The following NAV3 variants were observed in gnomAD, a reference collection of about 807,000 sequenced individuals.
NAV3 encodes pore membrane and/or filament interacting like protein 1.
In NAV3, 87 loss-of-function variants were observed where a neutral mutation model predicts 244.7. The observed-to-expected ratio is 0.36, with a 90% confidence interval of 0.30 to 0.42. The LOEUF is 0.42. NAV3 is among the 20% of genes least tolerant of loss of function. The pLI, the probability that NAV3 is intolerant of heterozygous loss-of-function variation, is 1.00. For missense variants in NAV3, 2,663 were observed against 2,893.3 expected (o/e 0.92, Z 1.83); for synonymous variants, 1,126 against 1,042.2 (o/e 1.08, Z -1.55).
At chr12:78,198,984 C>T in intron 36 of NAV3, 2 of 446,078 alleles carry the variant, frequency 4.5e-6, no homozygotes, top group Admixed American at 7.4e-5. Flanking sequence ...CACTATGTCC[C>T]TGGTTAAAGT....
intron 12 of NAV3, among the ~76,000 whole-genome samples, chr12:78,070,746 C>G (rs894576247): frequency 2.8e-5 from 4 of 142,780 alleles, no homozygotes; most frequent in Non-Finnish European, 6.0e-5. Context: ...TATTCCCCTT[C>G]CTGTGTCCAT....
chr12:77,679,761 A>G (rs1054760701), intron 2 of NAV3, among the ~76,000 whole-genome samples: 1 of 152,292 alleles, frequency 6.6e-6, no homozygotes, highest in Non-Finnish European at 1.5e-5. Context: ...AGAAAAGACA[A>G]GATGCATTTG....
At chr12:77,762,682 T>C (rs1467235063) in intron 2 of NAV3, among the ~76,000 whole-genome samples, 2 of 152,168 alleles carry the variant, frequency 1.3e-5, no homozygotes, top group Admixed American at 1.3e-4. Context: ...ATTTAGTCCA[T>C]TGAACTCCTT....
intron 2 of NAV3, among the ~76,000 whole-genome samples, chr12:77,685,793 T>C (rs1194473596): frequency 2.0e-5 from 3 of 152,200 alleles, no homozygotes; most frequent in Admixed American, 6.5e-5. Context: ...ATTAACAGCT[T>C]TCAATGTTGT....
At chr12:77,657,279 C>T (rs1873162878) in intron 2 of NAV3, among the ~76,000 whole-genome samples, 1 of 152,176 alleles carries the variant, frequency 6.6e-6, no homozygotes, top group Admixed American at 6.5e-5. Flanking sequence ...GGGGATATCA[C>T]CACCGATCCC....
intron 10 of NAV3, 129 bp from the exon 11 acceptor site, chr12:78,050,635 T>C: frequency 1.0e-6 from 1 of 955,830 alleles, no homozygotes; most frequent in East Asian, 2.5e-5. Flanking sequence ...GAATATAGAG[T>C]TTAGCTTTCG....
chr12:77,874,565 C>T (rs1288745507), intron 1 of NAV3, among the ~76,000 whole-genome samples: 2 of 151,906 alleles, frequency 1.3e-5, no homozygotes, highest in African/African-American at 4.8e-5. Context: ...AAAATCTAAA[C>T]TTACTTGCAT....
At chr12:77,631,451 G>T (rs1188559630) in intron 2 of NAV3, among the ~76,000 whole-genome samples, 2 of 150,236 alleles carry the variant, frequency 1.3e-5, no homozygotes, top group East Asian at 3.9e-4. Context: ...AGCAAAATTG[G>T]CATTATGTTA....
chr12:77,750,783 T>C (rs1366331872), intron 2 of NAV3, among the ~76,000 whole-genome samples: 3 of 152,150 alleles, frequency 2.0e-5, no homozygotes, highest in Non-Finnish European at 2.9e-5. Flanking sequence ...ATAAATACTT[T>C]CATATAGATT....
chr12:77,841,317 C>A (rs1197027578), intron 1 of NAV3, among the ~76,000 whole-genome samples: 1 of 152,190 alleles, frequency 6.6e-6, no homozygotes, highest in Non-Finnish European at 1.5e-5. Flanking sequence ...CTTCTTTTTG[C>A]TGTATTTTGA....
At chr12:77,744,854 A>G (rs1342062296) in intron 2 of NAV3, among the ~76,000 whole-genome samples, 1 of 151,952 alleles carries the variant, frequency 6.6e-6, no homozygotes, top group Non-Finnish European at 1.5e-5. Context: ...AATGTTTAGT[A>G]TATTTATGTG....
chr12:78,161,969 G>T (rs912371890), intron 23 of NAV3, among the ~76,000 whole-genome samples: 2 of 152,066 alleles, frequency 1.3e-5, no homozygotes, highest in African/African-American at 4.8e-5. Context: ...GGAAGCTATA[G>T]TACAAAGGGA....
chr12:77,783,210 A>T (rs1238852646), intron 2 of NAV3: 2 of 152,010 alleles, frequency 1.3e-5, no homozygotes, highest in East Asian at 3.9e-4. Context: ...GCTTATTAGA[A>T]CTGCGAGCAT....
intron 2 of NAV3, among the ~76,000 whole-genome samples, chr12:77,814,164 T>G (rs1872429183): frequency 6.6e-6 from 1 of 152,000 alleles, no homozygotes; most frequent in Non-Finnish European, 1.5e-5. Context: ...CTGCCAGAGT[T>G]CCTCAGGCAC....
intron 12 of NAV3, among the ~76,000 whole-genome samples, chr12:78,073,205 G>A (rs1250297318): frequency 1.5e-5 from 2 of 134,238 alleles, no homozygotes; most frequent in Non-Finnish European, 3.2e-5. Flanking sequence ...GGCAGGAGAA[G>A]GAAATAAAGG....
chr12:77,861,364 A>G (rs1449661090), intron 1 of NAV3, among the ~76,000 whole-genome samples: 1 of 151,836 alleles, frequency 6.6e-6, no homozygotes, highest in East Asian at 1.9e-4. Context: ...ATCTGTCATG[A>G]AGACACTATT....
At chr12:78,110,726 A>G (rs1955050418) in intron 12 of NAV3, among the ~76,000 whole-genome samples, 1 of 152,024 alleles carries the variant, frequency 6.6e-6, no homozygotes, top group South Asian at 2.1e-4. Flanking sequence ...ATACATGTAT[A>G]TATAATGTGT....
In NAV3 at chr12:78,205,034, C is replaced by G. The variant is rs189640120; in HGVS notation, c.6934C>G (p.Leu2312Val). Residue 2312 changes from leucine (L) to valine (V), a missense_variant, in exon 39 of 40, where the codon CTT (leucine) becomes GTT (valine). This residue lies in a region of NAV3 where 543 missense variants were observed against 672.4 expected (regional missense o/e 0.81). Coordinates refer to ENST00000397909, the MANE Select transcript of NAV3 (RefSeq NM_001024383.2). Reference sequence around the variant, plus strand: ...TCTGCCTCAGGAGAGCCCAGCCTTACTTCAGCTGCGACCAGAAGATGTTGG... The same window carrying G: ...TCTGCCTCAGGAGAGCCCAGCCTTAGTTCAGCTGCGACCAGAAGATGTTGG... ...ATLPQESPAL[L>V]QLRPEDVGYE... 3.7e-6 allele frequency: 6 copies of G among 1,613,630 alleles called. No homozygotes were observed. The African/African-American group carries it at 8.0e-5, about 22-fold the overall frequency.
chr12:78,204,516 A>G (rs1033848759), intron 38 of NAV3, among the ~76,000 whole-genome samples: 76 of 152,264 alleles, frequency 5.0e-4, no homozygotes, highest in African/African-American at 1.7e-3. Context: ...TTTTATTTCC[A>G]TCTTTCCAAG....
Sources: allele counts gnomAD v4.1 joint callset (sites outside exome capture counted in the v4.1 genomes callset), GRCh38; gene constraint gnomAD v4.1.1; regional missense constraint gnomAD v4.1.1; transcripts MANE v1.5; gene names NCBI Gene and HGNC (gene_info 2026-07-23, HGNC 2026-07-21).